ZNF23: variants seen among roughly 807,000 people sequenced by gnomAD.
ZNF23 encodes the protein kruppel-like zinc finger factor X31.
In ZNF23, 48 loss-of-function variants were observed where a neutral mutation model predicts 56.2. That is an observed-to-expected ratio of 0.85 (90% CI 0.68 to 1.09). The LOEUF (loss-of-function observed/expected upper bound fraction) is 1.09, where lower values mean the gene tolerates loss of function less well. ZNF23 is among the 50% of genes least tolerant of loss of function. The pLI is 0.00. For synonymous variants in ZNF23, 266 were observed against 283.3 expected, an observed-to-expected ratio of 0.94 and a Z score of 0.61; for missense variants, 805 against 811.4, an observed-to-expected ratio of 0.99 and a Z score of 0.10.
chr16:71,450,380 G>A, intron 4 of ZNF23: 1 of 165,856 alleles, frequency 6.0e-6, no homozygotes, highest in Non-Finnish European at 1.3e-5. Context: ...TTCCCACTGT[G>A]CCTAATACAA....
Position 71,449,038 on chromosome 16 carries a change from G to C in ZNF23, c.1116C>G (p.Ile372Met), listed in dbSNP as rs766531253. 9 of 1,614,030 alleles carry C rather than the reference G, an allele frequency of 5.6e-6. No individual in the cohort carries two copies. The Admixed American group carries it at 1.5e-4, about 27-fold the overall frequency. The change falls in exon 5 of 5, where the codon ATC becomes ATG. Residue 372 changes from isoleucine to methionine, a missense_variant. By Grantham distance (10) the Ile-to-Met change is conservative. Coordinates refer to ENST00000647773, the MANE Select transcript of ZNF23 (RefSeq NM_001381984.1). The part of the protein sequence containing the change: ...VNAKLIQHQR[I>M]HTGEKPYECN... The stretch of plus-strand genomic sequence containing the variant: ...ATTCATAAGGTTTCTCTCCAGTATG[G>C]ATTCTCTGATGTTGAATTAATTTTG...
chr16:71,447,644 AT>A lies in ZNF23; in HGVS notation c.*448del, dbSNP rs2042896636. 1 of 152,766 alleles carries A rather than the reference AT, an allele frequency of 6.5e-6. No individual in the cohort carries two copies. Among genetic ancestry groups the A allele is most frequent in the Non-Finnish European group, 1.5e-5 (1 of 68,434 alleles). The allele number at this position is 152,766 out of a possible 1,614,324, so 9.5% of individuals were successfully genotyped here. ...TTTATTTTTCATCTTTTCAAAAGTA[AT>A]ACATGCTTGTTGTCAAAAATTAAAC... On this transcript the variant is annotated 3_prime_UTR_variant, in exon 5 of 5. Coordinates refer to ENST00000647773, the MANE Select transcript of ZNF23 (RefSeq NM_001381984.1).
In ZNF23 at chr16:71,449,408, C is replaced by A; in HGVS notation, c.746G>T (p.Ser249Ile). The A allele has an allele frequency of 1.2e-6, 2 of 1,614,240 alleles. No homozygotes were observed. Among genetic ancestry groups the A allele is most frequent in the Non-Finnish European group, 1.7e-6 (2 of 1,180,048 alleles). ...ATGCCAAATTAATTTCTCATTAATG[C>A]TGAAAGCTTTGCCACACTCCGAACA... ...YQCSECGKAF[S>I]INEKLIWHQR... The change falls in exon 5 of 5, where the codon AGC becomes ATC. Residue 249 changes from serine to isoleucine, a missense_variant. Ser to Ile is a moderately radical substitution (Grantham distance 142). Coordinates refer to ENST00000647773, the MANE Select transcript of ZNF23 (RefSeq NM_001381984.1).
intron 4 of ZNF23, 94 bp downstream of exon 4, chr16:71,453,149 G>A: frequency 1.2e-6 from 1 of 828,392 alleles, no homozygotes; most frequent in Non-Finnish European, 2.0e-6. Flanking sequence ...TGTATGACTG[G>A]CCAATAAACA....
In ZNF23 at chr16:71,448,436, T is replaced by C. The variant is rs202024926; in HGVS notation, c.1718A>G (p.Lys573Arg). The part of the protein sequence containing the change: ...TRHQRIHTGE[K>R]PFKCMECEKA... ...CTCACATTCCATACATTTGAAAGGT[T>C]TCTCCCCAGTATGTATCCTCTGATG... is the stretch of plus-strand genomic sequence containing the variant. The change falls in exon 5 of 5, where the codon AAA becomes AGA. Residue 573 changes from lysine to arginine, a missense_variant. Lys to Arg is a conservative substitution (Grantham distance 26). Coordinates refer to ENST00000647773, the MANE Select transcript of ZNF23 (RefSeq NM_001381984.1). 4.3e-6 allele frequency: 7 copies of C among 1,614,242 alleles called. No individual in the cohort carries two copies. The highest frequency in any genetic ancestry group is 5.1e-6 in the Non-Finnish European group (6 of 1,180,030).
Position 71,448,499 on chromosome 16 carries a change from C to T in ZNF23, c.1655G>A (p.Cys552Tyr). Residue 552 changes from cysteine to tyrosine, a missense_variant, in exon 5 of 5, where the codon TGT (cysteine) becomes TAT (tyrosine). Transcript: ENST00000647773. ...TGEKPYQCKECGKAFSINAKL... is the reference protein window; with the variant it reads ...TGEKPYQCKEYGKAFSINAKL... Reference sequence around the variant, plus strand: ...GGCATTGATACTGAAGGCTTTCCCACATTCCTTACATTGATAGGGCTTTTC... The same window carrying T: ...GGCATTGATACTGAAGGCTTTCCCATATTCCTTACATTGATAGGGCTTTTC... The T allele has an allele frequency of 6.2e-7, 1 of 1,614,236 alleles. No homozygotes were observed. Among genetic ancestry groups the T allele is most frequent in the Non-Finnish European group, 8.5e-7 (1 of 1,180,040 alleles).
intron 1 of ZNF23, among the ~76,000 whole-genome samples, chr16:71,459,802 TACTA>T (rs2043374658): frequency 6.6e-6 from 1 of 152,270 alleles, no homozygotes; most frequent in Non-Finnish European, 1.5e-5. Context: ...TAACCCAATC[TACTA>T]ACTTCTACTT....
Position 71,449,400 on chromosome 16 carries a change from C to T in ZNF23, c.754G>A (p.Glu252Lys). ...SECGKAFSIN[E>K]KLIWHQRLHS... ...AGTCTCTGATGCCAAATTAATTTCT[C>T]ATTAATGCTGAAAGCTTTGCCACAC... Residue 252 changes from glutamate to lysine, a missense_variant, in exon 5 of 5, where the codon GAG becomes AAG. Glu to Lys is a moderately conservative substitution (Grantham distance 56, BLOSUM62 1). Coordinates refer to ENST00000647773, the MANE Select transcript of ZNF23 (RefSeq NM_001381984.1). 6.2e-7 allele frequency: 1 copy of T among 1,614,222 alleles called. No homozygotes were observed. The highest frequency in any genetic ancestry group is 2.2e-5 in the East Asian group (1 of 44,892).
chr16:71,447,929 A>T lies in ZNF23; in HGVS notation c.*164T>A. On this transcript the variant is annotated 3_prime_UTR_variant, in exon 5 of 5. Transcript: ENST00000647773. ...AAGCTATTTTTGGATGTTTCTCTTT[A>T]ACTGGTCATCCTTTCCTGATTTAAA... 2.0e-6 allele frequency: 1 copy of T among 493,254 alleles called. No homozygotes were observed. Among genetic ancestry groups the T allele is most frequent in the Non-Finnish European group, 3.4e-6 (1 of 291,554 alleles). The allele number at this position is 493,254 out of a possible 1,614,324, so 30.6% of individuals were successfully genotyped here. A position where few individuals can be genotyped will look rare whatever the true frequency, so the allele number is the denominator to read the frequency against.
intron 4 of ZNF23, chr16:71,450,353 T>TAAA (rs71389667): frequency 1.3e-4 from 21 of 156,400 alleles, no homozygotes; most frequent in Non-Finnish European, 2.2e-4. Context: ...AAAGTAATGA[T>TAAA]AAAAAAAAAA....
intron 3 of ZNF23, 162 bp from the exon 4 acceptor site, chr16:71,453,512 A>G (rs1280996045): frequency 1.7e-6 from 1 of 583,064 alleles, no homozygotes; most frequent in Non-Finnish European, 3.0e-6. Flanking sequence ...CTTAGGAAGG[A>G]CTAAAGAGAC....
Position 71,449,026 on chromosome 16 carries a change from C to T in ZNF23, c.1128G>A (p.Glu376=). ...CACATTCATTACATTCATAAGGTTTCTCTCCAGTATGGATTCTCTGATGTT... is the reference window on the plus strand; with the variant it reads ...CACATTCATTACATTCATAAGGTTTTTCTCCAGTATGGATTCTCTGATGTT... ...LIQHQRIHTG[E]KPYECNECGK... is the part of the protein sequence containing the mutation. The change falls in exon 5 of 5, where the codon GAG becomes GAA. Residue 376 remains glutamate, a synonymous_variant. Transcript: ENST00000647773. 2 of 1,614,178 alleles carry T rather than the reference C, an allele frequency of 1.2e-6. No individual in the cohort carries two copies. Among genetic ancestry groups the T allele is most frequent in the Non-Finnish European group, 1.7e-6 (2 of 1,180,032 alleles).
chr16:71,448,640 T>G lies in ZNF23; in HGVS notation c.1514A>C (p.Lys505Thr), dbSNP rs2042935059. 6.2e-7 allele frequency: 1 copy of G among 1,614,040 alleles called. No individual in the cohort carries two copies. The highest frequency in any genetic ancestry group is 1.3e-5 in the African/African-American group (1 of 74,914). ...GTGAATTCTCTGATGCCGCATTAGT[T>G]TCCCATTAACGCTGAAGGCCTTTCC... ...ECGKAFSVNG[K>T]LMRHQRIHTG... is the part of the protein sequence containing the mutation. The change falls in exon 5 of 5, where the codon AAA becomes ACA. Residue 505 changes from lysine to threonine, a missense_variant. By Grantham distance (78) the Lys-to-Thr change is moderately conservative. Transcript: ENST00000647773.
At position 71,449,477 on chromosome 16, in the gene ZNF23, A is replaced by C. The variant is rs1402608576; in HGVS notation, c.677T>G (p.Leu226Arg). 1 of 1,614,204 alleles carries C rather than the reference A, an allele frequency of 6.2e-7. No individual in the cohort carries two copies. Reference sequence around the variant, plus strand: ...AGTGTTGTTCTCTTGATGTTGAATAAGTTGAGAGTCACACCTAAAGGGCTC... The same window carrying C: ...AGTGTTGTTCTCTTGATGTTGAATACGTTGAGAGTCACACCTAAAGGGCTC... ...LVEPFRCDSQ[L>R]IQHQENNTEE... is the part of the protein sequence containing the mutation. The change falls in exon 5 of 5, where the codon CTT becomes CGT. Residue 226 changes from leucine (L) to arginine (R), a missense_variant. By Grantham distance (102) the Leu-to-Arg change is moderately radical. Transcript: ENST00000647773.
chr16:71,453,203 G>T, intron 4 of ZNF23, 40 bp downstream of exon 4: 1 of 1,477,138 alleles, frequency 6.8e-7, no homozygotes, highest in Non-Finnish European at 9.3e-7. Flanking sequence ...TGCCTAAAGT[G>T]CTAAATTCCA....
intron 2 of ZNF23, chr16:71,456,162 T>C (rs1360506242): frequency 7.0e-6 from 3 of 426,714 alleles, no homozygotes; most frequent in Non-Finnish European, 1.4e-5. Context: ...GTTTATGTTC[T>C]GCAGGTTCCC....
rs766015925 is a variant in ZNF23 at position 71,449,438 on chromosome 16, T to A, written c.716A>T (p.Tyr239Phe). 1 of 1,614,242 alleles carries A rather than the reference T, an allele frequency of 6.2e-7. No individual in the cohort carries two copies. The highest frequency in any genetic ancestry group is 8.5e-7 in the Non-Finnish European group (1 of 1,180,036). Reference sequence around the variant, plus strand: ...AGCTTTGCCACACTCCGAACACTGATAAGGCTTTTCCTCAGTGTTGTTCTC... The same window carrying A: ...AGCTTTGCCACACTCCGAACACTGAAAAGGCTTTTCCTCAGTGTTGTTCTC... ...HQENNTEEKPYQCSECGKAFS... is the reference protein window; with the variant it reads ...HQENNTEEKPFQCSECGKAFS... The change falls in exon 5 of 5, where the codon TAT (tyrosine) becomes TTT (phenylalanine). Residue 239 changes from tyrosine to phenylalanine, a missense_variant. Transcript: ENST00000647773.
At chr16:71,457,617 C>T (rs369023523) in intron 1 of ZNF23, among the ~76,000 whole-genome samples, 2 of 151,382 alleles carry the variant, frequency 1.3e-5, no homozygotes, top group African/African-American at 2.4e-5. Flanking sequence ...CCCAGCTATT[C>T]GGGAGTCTGA....
intron 2 of ZNF23, 199 bp from the exon 3 acceptor site, chr16:71,454,367 C>T (rs2043153254): frequency 2.9e-6 from 2 of 699,980 alleles, no homozygotes; most frequent in Admixed American, 3.5e-5. Context: ...AGCAGGGAAA[C>T]CTCATGCCAT....
Sources: allele counts gnomAD v4.1 joint callset (sites outside exome capture counted in the v4.1 genomes callset), GRCh38; gene constraint gnomAD v4.1.1; transcripts MANE v1.5; gene names NCBI Gene and HGNC (gene_info 2026-07-23, HGNC 2026-07-21).